Variants in SHROOM2 observed in about 807,000 individuals in gnomAD.
The protein encoded by SHROOM2 is protein Shroom2.
SHROOM2 carries 33 observed loss-of-function variants against 75.9 expected under a neutral mutation model. The ratio of observed to expected loss-of-function variants is 0.43; its 90% CI spans 0.33 to 0.58. The LOEUF (loss-of-function observed/expected upper bound fraction) is 0.58. Among genes scored for constraint, SHROOM2 ranks in the 20% least tolerant of loss-of-function variants. SHROOM2 has a pLI of 0.04. For synonymous variants in SHROOM2, 655 were observed against 663.6 expected (o/e 0.99, Z 0.20); for missense variants, 1,434 against 1,461.2 (o/e 0.98, Z 0.30).
chrX:9,846,531 G>A (rs954520695), intron 1 of SHROOM2, among the ~76,000 whole-genome samples: 18 of 111,752 alleles, frequency 1.6e-4, no homozygotes, highest in African/African-American at 5.2e-4. Context: ...TCCTGACCTC[G>A]TGATCCGCCT....
At chrX:9,900,434 A>T (rs780415467) in intron 5 of SHROOM2, among the ~76,000 whole-genome samples, 1 of 112,549 alleles carries the variant, frequency 8.9e-6, no homozygotes, top group Admixed American at 9.5e-5. Context: ...AGTGTTTTGC[A>T]TAAGTTTCAA....
Position 9,896,022 on chromosome X carries a change from A to G in SHROOM2, c.2114A>G (p.Asn705Ser). ...TTCAAGCGCCGCGACTTGGACCCCA[A>G]CCCAGGAGACCTATACCCGGAGTCA... Reference protein sequence around the residue: ...TSFKRRDLDPNPGDLYPESLE... With the variant: ...TSFKRRDLDPSPGDLYPESLE... Residue 705 changes from asparagine to serine, a missense_variant, in exon 4 of 10, where the codon AAC (asparagine) becomes AGC (serine). Asn to Ser is a conservative substitution (Grantham distance 46). Coordinates refer to ENST00000380913, the MANE Select transcript of SHROOM2 (RefSeq NM_001649.4). 8.3e-7 allele frequency: 1 copy of G among 1,210,016 alleles called. No homozygotes were observed. Among genetic ancestry groups the G allele is most frequent in the African/African-American group, 1.7e-5 (1 of 57,839 alleles).
intron 1 of SHROOM2, among the ~76,000 whole-genome samples, chrX:9,792,156 G>GAATAA (rs1443392710): frequency 8.5e-5 from 1 of 11,772 alleles, no homozygotes; most frequent in Non-Finnish European, 2.0e-4. Flanking sequence ...GAATAGAATA[G>GAATAA]AATAATCACC....
chrX:9,879,644 T>A (rs747251352), intron 2 of SHROOM2, among the ~76,000 whole-genome samples: 2 of 112,779 alleles, frequency 1.8e-5, no homozygotes, highest in East Asian at 5.5e-4. Flanking sequence ...GAAAGTTACT[T>A]CTATTGGGGT....
At chrX:9,919,741 G>T (rs1027966427) in intron 5 of SHROOM2, among the ~76,000 whole-genome samples, 1 of 111,292 alleles carries the variant, frequency 9.0e-6, no homozygotes, top group South Asian at 3.7e-4. Context: ...GTAGGGCAGG[G>T]CATCTCAACT....
At chrX:9,869,785 G>T (rs1022536962) in intron 1 of SHROOM2, among the ~76,000 whole-genome samples, 1 of 112,098 alleles carries the variant, frequency 8.9e-6, no homozygotes, top group Non-Finnish European at 1.9e-5. Context: ...ACAAAATAAG[G>T]CTCTGTCCTT....
chrX:9,836,120 AGCCCTGGCCCAG>A (rs1213856962), intron 1 of SHROOM2, among the ~76,000 whole-genome samples: 1 of 112,315 alleles, frequency 8.9e-6, no homozygotes, highest in Non-Finnish European at 1.9e-5. Context: ...GCACCAGATC[AGCCCTGGCCCAG>A]GCCCAGGCCC....
chrX:9,836,722 C>T (rs1214639665), intron 1 of SHROOM2, among the ~76,000 whole-genome samples: 7 of 111,211 alleles, frequency 6.3e-5, no homozygotes, highest in African/African-American at 9.8e-5. Flanking sequence ...CCACTGTTGC[C>T]GGCCAATTTC....
chrX:9,834,360 G>T (rs917001141), intron 1 of SHROOM2, among the ~76,000 whole-genome samples: 1 of 112,376 alleles, frequency 8.9e-6, no homozygotes, highest in Admixed American at 9.4e-5. Context: ...ACTCCGTGTG[G>T]TGTTGCATGT....
chrX:9,812,301 C>T (rs993696799), intron 1 of SHROOM2, among the ~76,000 whole-genome samples: 1 of 111,880 alleles, frequency 8.9e-6, no homozygotes, highest in Admixed American at 9.5e-5. Flanking sequence ...GCAGCTTGCA[C>T]AGCAGCCTGG....
At chrX:9,928,775 A>G (rs1465917263) in intron 5 of SHROOM2, among the ~76,000 whole-genome samples, 1 of 111,945 alleles carries the variant, frequency 8.9e-6, no homozygotes, top group Non-Finnish European at 1.9e-5. Flanking sequence ...ACATCTACAC[A>G]CAGACACATG....
chrX:9,818,928 T>G (rs1252495342), intron 1 of SHROOM2: 1 of 557,437 alleles, frequency 1.8e-6, no homozygotes, highest in East Asian at 3.5e-5. Context: ...CATCCTCCTC[T>G]TCTTCCACTG....
intron 8 of SHROOM2, among the ~76,000 whole-genome samples, chrX:9,941,796 C>A (rs1257299599): frequency 9.2e-6 from 1 of 108,274 alleles, no homozygotes; most frequent in African/African-American, 3.3e-5. Context: ...ATGGTGAAAC[C>A]CCGTCTCTAC....
At position 9,828,063 on chromosome X, in the gene SHROOM2, A is replaced by C. The variant is rs147328402; in HGVS notation, c.165+41353A>C. On this transcript the variant is annotated intron_variant, in intron 1 of 9. Transcript: ENST00000380913. ...ATTTATAAAGAGGCTTAATTGACTC[A>C]CAGTTTCACTTGGCCGGGAAGGCCT... is the stretch of plus-strand genomic sequence containing the variant. Among the ~76,000 whole-genome samples, 851 of 112,779 alleles carry C rather than the reference A, an allele frequency of 7.5e-3. 26 individuals are homozygous for C. Among genetic ancestry groups the C allele is most frequent in the Admixed American group, 0.049 (522 of 10,721 alleles).
chrX:9,890,867 G>T, intron 2 of SHROOM2, 110 bp from the exon 3 acceptor site: 2 of 803,606 alleles, frequency 2.5e-6, no homozygotes, highest in African/African-American at 2.1e-5. Flanking sequence ...GCACTGTTTG[G>T]CACGAGCGTG....
intron 1 of SHROOM2, among the ~76,000 whole-genome samples, chrX:9,798,550 G>A (rs910843657): frequency 1.8e-5 from 2 of 111,661 alleles, no homozygotes; most frequent in East Asian, 2.8e-4. Context: ...TTTGAACCTC[G>A]TAGATCTAAT....
At chrX:9,799,659 G>T (rs5979179) in intron 1 of SHROOM2, among the ~76,000 whole-genome samples, 1 of 109,627 alleles carries the variant, frequency 9.1e-6, no homozygotes, top group South Asian at 4.1e-4. Flanking sequence ...CCATCTACTA[G>T]AAGGTTGGAT....
intron 1 of SHROOM2, among the ~76,000 whole-genome samples, chrX:9,839,291 C>A (rs188884194): frequency 3.6e-5 from 4 of 111,268 alleles, no homozygotes. Context: ...CGTTTTTTTA[C>A]CATCACCCTC....
chrX:9,828,456 T>C (rs1054996948), intron 1 of SHROOM2, among the ~76,000 whole-genome samples: 13 of 111,307 alleles, frequency 1.2e-4, no homozygotes, highest in African/African-American at 3.6e-4. Context: ...GAAGAAGTTA[T>C]TGTTCTTCTT....
Sources: gnomAD v4.1 joint callset for allele counts (sites outside exome capture counted in the v4.1 genomes callset) on GRCh38, gnomAD v4.1.1 for gene constraint, MANE v1.5 for transcripts, NCBI Gene and HGNC (gene_info 2026-07-23, HGNC 2026-07-21) for gene names.